The following FLOT1 variants were observed in gnomAD, a reference collection of about 807,000 sequenced individuals.
FLOT1 encodes the protein flotillin 1.
A neutral mutation model predicts 58.4 loss-of-function variants in FLOT1; 40 were observed. That is an observed-to-expected ratio of 0.69 (90% CI 0.53 to 0.89). FLOT1 has a LOEUF of 0.89. Among genes scored for constraint, FLOT1 ranks in the 40% least tolerant of loss-of-function variants. The pLI, the probability that FLOT1 is intolerant of heterozygous loss-of-function variation, is 0.00. For missense variants in FLOT1, 423 were observed against 540.8 expected (o/e 0.78, Z 2.16); for synonymous variants, 178 against 204.2 (o/e 0.87, Z 1.09).
At position 30,730,205 on chromosome 6, in the gene FLOT1, C is replaced by T. The variant is rs540464383; in HGVS notation, c.1090-19G>A. On this transcript the variant is annotated intron_variant, in intron 11 of 12. Transcript: ENST00000376389. ...CTGCCACCTGGCAGGAGAGAGACAC[C>T]CACTCAGTGCCCATGATCTGACCAC... 310 of 1,612,264 alleles carry T rather than the reference C, an allele frequency of 1.9e-4. No individual in the cohort carries two copies. The highest frequency in any genetic ancestry group is 6.6e-4 in the Middle Eastern group (4 of 6,060).
rs1391795227 is a variant in FLOT1 at position 30,730,529 on chromosome 6, G to C, written c.988C>G (p.Arg330Gly). Reference sequence around the variant, plus strand: ...ATCTGCTCAGCCTCGGCTCGGGCTCGGGCCCCTATGGCAAAGGCCTCAGCT... The same window carrying C: ...ATCTGCTCAGCCTCGGCTCGGGCTCCGGCCCCTATGGCAAAGGCCTCAGCT... The part of the protein sequence containing the change: ...GEAEAFAIGA[R>G]ARAEAEQMAK... The change falls in exon 11 of 13, where the codon CGA becomes GGA. Residue 330 changes from arginine (R) to glycine (G), a missense_variant. Arg to Gly is a moderately radical substitution (Grantham distance 125, BLOSUM62 -2). Coordinates refer to ENST00000376389, the MANE Select transcript of FLOT1 (RefSeq NM_005803.4). 2 of 1,611,044 alleles carry C rather than the reference G, an allele frequency of 1.2e-6. No homozygotes were observed. The highest frequency in any genetic ancestry group is 1.1e-5 in the South Asian group (1 of 90,896).
In FLOT1 at chr6:30,737,307, A is replaced by T. The variant is rs1187657903; in HGVS notation, c.723+2851T>A. Among the ~76,000 whole-genome samples, 1 of 151,542 alleles carries T rather than the reference A, an allele frequency of 6.6e-6. No homozygotes were observed. The highest frequency in any genetic ancestry group is 1.5e-5 in the Non-Finnish European group (1 of 67,866). On this transcript the variant is annotated intron_variant, in intron 8 of 12. Coordinates refer to ENST00000376389, the MANE Select transcript of FLOT1 (RefSeq NM_005803.4). The surrounding 1 kb of genome is among the most constrained non-coding windows in gnomAD (Gnocchi z 4.4). ...TAGAAGGAGTCTCGCTCTGTCGCCC[A>T]GGCTGGAGTGCGGTGGCGCAATCTC... is the stretch of plus-strand genomic sequence containing the variant.
At position 30,737,013 on chromosome 6, in the gene FLOT1, T is replaced by G. The variant is rs1777613018; in HGVS notation, c.723+3145A>C. Reference sequence around the variant, plus strand: ...CAATAGCTTTCCACTGTGCTTTCAGTTCTCTTCTGTGTCTCCATCGTGACC... The same window carrying G: ...CAATAGCTTTCCACTGTGCTTTCAGGTCTCTTCTGTGTCTCCATCGTGACC... On this transcript the variant is annotated intron_variant, in intron 8 of 12. Coordinates refer to ENST00000376389, the MANE Select transcript of FLOT1 (RefSeq NM_005803.4). This position sits in a 1 kb window ranked among gnomAD's most constrained non-coding sequence, Gnocchi z 4.4. 6.6e-6 allele frequency among the ~76,000 whole-genome samples: 1 copy of G among 152,040 alleles called. No homozygotes were observed.
chr6:30,738,207 G>A (rs950239083), intron 8 of FLOT1, among the ~76,000 whole-genome samples: 2 of 152,204 alleles, frequency 1.3e-5, no homozygotes, highest in African/African-American at 4.8e-5. Context: ...CAGGGCCAGG[G>A]CCTGCAATTT....
chr6:30,738,694 G>A (rs759185499), intron 8 of FLOT1, among the ~76,000 whole-genome samples: 7 of 152,140 alleles, frequency 4.6e-5, no homozygotes, highest in Admixed American at 2.6e-4. Flanking sequence ...ATGCATGAAC[G>A]AAGCTTACCT....
rs556875495 is a variant in FLOT1, at chr6:30,741,073, C to G, written c.354+117G>C. ...AAGTGCTGGGATTACAGGCATGAACCACCCTGCCCGGCCGGGATGTATGCT... is the reference window on the plus strand; with the variant it reads ...AAGTGCTGGGATTACAGGCATGAACGACCCTGCCCGGCCGGGATGTATGCT... On this transcript the variant is annotated intron_variant, in intron 5 of 12. Transcript: ENST00000376389. This position sits in a 1 kb window ranked among gnomAD's most constrained non-coding sequence, Gnocchi z 5.9. 23 of 1,311,178 alleles carry G rather than the reference C, an allele frequency of 1.8e-5. No individual in the cohort carries two copies. The highest frequency in any genetic ancestry group is 2.3e-5 in the Non-Finnish European group (22 of 948,720). 81.2% of individuals were successfully genotyped at this position (1,311,178 alleles called of 1,614,324 possible). A position where few individuals can be genotyped will look rare whatever the true frequency, so the allele number is the denominator to read the frequency against.
rs561570763 is a variant in FLOT1 at position 30,741,601 on chromosome 6, C to T, written c.210+13G>A. 2 of 1,601,304 alleles carry T rather than the reference C, an allele frequency of 1.2e-6. No individual in the cohort carries two copies. Among genetic ancestry groups the T allele is most frequent in the Non-Finnish European group, 1.7e-6 (2 of 1,169,668 alleles). ...GGAAGTGGACTGTGGGGAAAAGGCT[C>T]TGAAAGCTTCACCTGGGCAATGCCA... On this transcript the variant is annotated intron_variant, in intron 4 of 12. Transcript: ENST00000376389. The surrounding 1 kb of genome is among the most constrained non-coding windows in gnomAD (Gnocchi z 5.9).
intron 8 of FLOT1, among the ~76,000 whole-genome samples, chr6:30,734,400 C>G (rs939579910): frequency 4.6e-5 from 7 of 151,728 alleles, no homozygotes; most frequent in Non-Finnish European, 1.0e-4. Flanking sequence ...CCTCTGCCTC[C>G]CAGGTTCAAG....
chr6:30,728,104 A>C lies in FLOT1; in HGVS notation c.*12T>G, dbSNP rs1776861936. On this transcript the variant is annotated 3_prime_UTR_variant, in exon 13 of 13. Coordinates refer to ENST00000376389, the MANE Select transcript of FLOT1 (RefSeq NM_005803.4). ...TCAGCTATGAGGCTGGGCATCTGTG[A>C]GGGCTGAAGGCTCAGGCTGTTCTCA... The C allele has an allele frequency of 1.2e-6, 2 of 1,612,594 alleles. No individual in the cohort carries two copies. The highest frequency in any genetic ancestry group is 2.2e-5 in the South Asian group (2 of 91,076).
At chr6:30,735,046 C>T (rs1777466366) in intron 8 of FLOT1, among the ~76,000 whole-genome samples, 2 of 152,200 alleles carry the variant, frequency 1.3e-5, no homozygotes, top group African/African-American at 4.8e-5. Context: ...TCTGGATAGG[C>T]CATGTACGGA....
rs1047291163 is a variant in FLOT1 at position 30,741,599 on chromosome 6, C to T, written c.210+15G>A. 2 of 1,592,306 alleles carry T rather than the reference C, an allele frequency of 1.3e-6. No homozygotes were observed. Among genetic ancestry groups the T allele is most frequent in the African/African-American group, 1.3e-5 (1 of 74,654 alleles). Reference sequence around the variant, plus strand: ...GGGGAAGTGGACTGTGGGGAAAAGGCTCTGAAAGCTTCACCTGGGCAATGC... The same window carrying T: ...GGGGAAGTGGACTGTGGGGAAAAGGTTCTGAAAGCTTCACCTGGGCAATGC... On this transcript the variant is annotated intron_variant, in intron 4 of 12. Transcript: ENST00000376389. This position sits in a 1 kb window ranked among gnomAD's most constrained non-coding sequence, Gnocchi z 5.9.
rs1274375334 is a variant in FLOT1, at chr6:30,737,444, G to C, written c.723+2714C>G. Among the ~76,000 whole-genome samples the C allele has an allele frequency of 6.6e-6, 1 of 152,116 alleles. No homozygotes were observed. Among genetic ancestry groups the C allele is most frequent in the Non-Finnish European group, 1.5e-5 (1 of 68,020 alleles). On this transcript the variant is annotated intron_variant, in intron 8 of 12. Coordinates refer to ENST00000376389, the MANE Select transcript of FLOT1 (RefSeq NM_005803.4). This position sits in a 1 kb window ranked among gnomAD's most constrained non-coding sequence, Gnocchi z 4.4. ...GCTAATATTTTTTGTATTTTTGGTAGAGACAGGGTTTCACTGTTGGCCAGA... is the reference window on the plus strand; with the variant it reads ...GCTAATATTTTTTGTATTTTTGGTACAGACAGGGTTTCACTGTTGGCCAGA...
intron 8 of FLOT1, 111 bp downstream of exon 8, chr6:30,740,047 G>A: frequency 9.8e-7 from 1 of 1,021,452 alleles, no homozygotes; most frequent in Non-Finnish European, 1.4e-6. Context: ...GAGATGGAGA[G>A]CCAGAATAAG....
rs1777670409 is a variant in FLOT1, at chr6:30,737,329, T to C, written c.723+2829A>G. Among the ~76,000 whole-genome samples the C allele has an allele frequency of 6.6e-6, 1 of 152,048 alleles. No homozygotes were observed. Among genetic ancestry groups the C allele is most frequent in the Non-Finnish European group, 1.5e-5 (1 of 68,012 alleles). On this transcript the variant is annotated intron_variant, in intron 8 of 12. Transcript: ENST00000376389. The surrounding 1 kb of genome is among the most constrained non-coding windows in gnomAD (Gnocchi z 4.4). ...CCCAGGCTGGAGTGCGGTGGCGCAA[T>C]CTCGGCTCACTGTGCCTTCTGGATT...
At chr6:30,735,735 T>C (rs1777521159) in intron 8 of FLOT1, among the ~76,000 whole-genome samples, 1 of 152,230 alleles carries the variant, frequency 6.6e-6, no homozygotes, top group Admixed American at 6.5e-5. Context: ...TGAGGGGCTC[T>C]GAGAAGGTGC....
Position 30,741,979 on chromosome 6 carries a change from G to A in FLOT1, c.44-112C>T, listed in dbSNP as rs1047340921. 71 of 1,210,702 alleles carry A rather than the reference G, an allele frequency of 5.9e-5. No homozygotes were observed. Among genetic ancestry groups the A allele is most frequent in the Middle Eastern group, 2.6e-4 (1 of 3,916 alleles). 75.0% of individuals were successfully genotyped at this position (1,210,702 alleles called of 1,614,324 possible). The stretch of plus-strand genomic sequence containing the variant: ...ACAGGAGAGAATCTGGGAGCTGGAG[G>A]GGAAGCAGTCTGGGCCTTGGAATGG... On this transcript the variant is annotated intron_variant, in intron 2 of 12. Transcript: ENST00000376389. This position sits in a 1 kb window ranked among gnomAD's most constrained non-coding sequence, Gnocchi z 5.9.
intron 8 of FLOT1, among the ~76,000 whole-genome samples, chr6:30,738,744 T>C (rs1777756445): frequency 6.6e-6 from 1 of 152,202 alleles, no homozygotes; most frequent in Admixed American, 6.5e-5. Flanking sequence ...CATAGCCCGC[T>C]TGCACTAAAG....
Position 30,730,101 on chromosome 6 carries a change from T to C in FLOT1, c.1175A>G (p.Lys392Arg). 6.2e-7 allele frequency: 1 copy of C among 1,613,048 alleles called. No homozygotes were observed. Among genetic ancestry groups the C allele is most frequent in the Non-Finnish European group, 8.5e-7 (1 of 1,180,022 alleles). ...AATGTCCAGTACTTCCCCAGTCACT[T>C]TGGCTGCCCCCATGGTCCCACTGCC... The part of the protein sequence containing the change: ...SSGSGTMGAA[K>R]VTGEVLDILT... Residue 392 changes from lysine (K) to arginine (R), a missense_variant, in exon 12 of 13, where the codon AAA (lysine) becomes AGA (arginine). By Grantham distance (26) the Lys-to-Arg change is conservative. This residue lies in a region of FLOT1 where 42 missense variants were observed against 74.4 expected (regional missense o/e 0.56). Transcript: ENST00000376389.
In FLOT1 at chr6:30,731,011, C is replaced by T; in HGVS notation, c.813G>A (p.Glu271=). ...CCAGCTCCTTCTCCCGCCGGGCGAT[C>T]TCCTGCTCCTGCACTGCCACCTGCT... The part of the protein sequence containing the change: ...RAQQVAVQEQ[E]IARREKELEA... Residue 271 remains glutamate (E), a synonymous_variant, in exon 9 of 13, where the codon GAG becomes GAA. Coordinates refer to ENST00000376389, the MANE Select transcript of FLOT1 (RefSeq NM_005803.4). 1.2e-6 allele frequency: 2 copies of T among 1,613,450 alleles called. No homozygotes were observed. Among genetic ancestry groups the T allele is most frequent in the South Asian group, 1.1e-5 (1 of 91,084 alleles).
Sources: allele counts gnomAD v4.1 joint callset (sites outside exome capture counted in the v4.1 genomes callset), GRCh38; gene constraint gnomAD v4.1.1; regional missense constraint gnomAD v4.1.1; non-coding constraint Gnocchi (gnomAD v3.1); transcripts MANE v1.5; gene names NCBI Gene and HGNC (gene_info 2026-07-23, HGNC 2026-07-21).